Variants in NSUN2 observed in about 807,000 individuals in gnomAD.
The protein encoded by NSUN2 is NOP2/Sun RNA methyltransferase 2, also known as RNA cytosine C(5)-methyltransferase NSUN2.
In NSUN2, 63 loss-of-function variants were observed where a neutral mutation model predicts 92.7. The observed-to-expected ratio is 0.68, with a 90% CI of 0.56 to 0.84. The LOEUF is 0.84. Among genes scored for constraint, NSUN2 ranks in the 40% least tolerant of loss-of-function variants. NSUN2 has a pLI of 0.00. For missense variants in NSUN2, 989 were observed against 964.9 expected (o/e 1.02, Z -0.33); for synonymous variants, 356 against 348.3 (o/e 1.02, Z -0.25).
intron 3 of NSUN2, among the ~76,000 whole-genome samples, chr5:6,626,501 G>A (rs1157299870): frequency 1.3e-5 from 2 of 152,106 alleles, no homozygotes; most frequent in Middle Eastern, 3.4e-3. Context: ...AGCCACCTGA[G>A]TAGCTGGGAT....
At chr5:6,607,113 C>T in intron 13 of NSUN2, 87 bp downstream of exon 13, 1 of 1,407,598 alleles carries the variant, frequency 7.1e-7, no homozygotes, top group Non-Finnish European at 9.9e-7. Context: ...CTCAAACCGA[C>T]CAAGAAGTGG....
Position 6,610,646 on chromosome 5 carries a change from T to A in NSUN2, c.1226+309A>T, listed in dbSNP as rs979801652. 3.4e-5 allele frequency among the ~76,000 whole-genome samples: 5 copies of A among 148,204 alleles called. No homozygotes were observed. The East Asian group carries it at 1.0e-3, about 30-fold the overall frequency. On this transcript the variant is annotated intron_variant, in intron 11 of 18. Transcript: ENST00000264670. ...TTGCAGTGAGCCGAGATCGAGCTAC[T>A]ACACTCCAGCCTGGATGACAGAGTG...
chr5:6,600,791 A>C (rs1411728523), intron 18 of NSUN2, among the ~76,000 whole-genome samples: 1 of 152,148 alleles, frequency 6.6e-6, no homozygotes, highest in Non-Finnish European at 1.5e-5. Context: ...TTTCTTCTCC[A>C]GGGACCCCAC....
intron 12 of NSUN2, 52 bp downstream of exon 12, chr5:6,609,774 C>T (rs1342894242): frequency 6.2e-6 from 9 of 1,450,094 alleles, no homozygotes; most frequent in African/African-American, 1.4e-5. Context: ...TAGTTTTTGT[C>T]TTAAATGTAC....
intron 10 of NSUN2, 135 bp downstream of exon 10, chr5:6,611,590 C>T (rs1261244690): frequency 1.9e-5 from 13 of 702,260 alleles, no homozygotes; most frequent in Non-Finnish European, 2.9e-5. Context: ...AATAACACTC[C>T]GAAATTGATT....
intron 13 of NSUN2, 24 bp downstream of exon 13, chr5:6,607,176 T>A: frequency 6.2e-7 from 1 of 1,611,838 alleles, no homozygotes; most frequent in South Asian, 1.1e-5. Context: ...GCGTATTAGA[T>A]CAAGACATAA....
intron 12 of NSUN2, among the ~76,000 whole-genome samples, chr5:6,607,641 T>C (rs550118058): frequency 6.6e-6 from 1 of 152,348 alleles, no homozygotes; most frequent in Admixed American, 6.5e-5. Flanking sequence ...GCCTGTTCCT[T>C]AGCAGAGGCC....
At chr5:6,612,181 T>C (rs574778940) in intron 9 of NSUN2, among the ~76,000 whole-genome samples, 7 of 152,302 alleles carry the variant, frequency 4.6e-5, no homozygotes, top group Non-Finnish European at 1.0e-4. Context: ...TGACAGGGCA[T>C]TGAGGAGTCC....
chr5:6,609,051 G>A lies in NSUN2; in HGVS notation c.1323+775C>T, dbSNP rs116146495. On this transcript the variant is annotated intron_variant, in intron 12 of 18. Coordinates refer to ENST00000264670, the MANE Select transcript of NSUN2 (RefSeq NM_017755.6). ...GTTCCAACGTTAAACTGCACAAACC[G>A]TGCCCCAGAAAAAGGCTGGAGCTCT... Among the ~76,000 whole-genome samples, 738 of 152,208 alleles carry A rather than the reference G, an allele frequency of 4.8e-3. 8 individuals are homozygous for A. The highest frequency in any genetic ancestry group is 0.017 in the African/African-American group (704 of 41,526).
intron 17 of NSUN2, chr5:6,603,788 G>C (rs1736648376): frequency 4.9e-6 from 1 of 204,768 alleles, no homozygotes; most frequent in Admixed American, 5.8e-5. Context: ...AGCTCTGGCT[G>C]GGAGGCTTGC....
chr5:6,606,872 C>A lies in NSUN2; in HGVS notation c.1549G>T (p.Glu517Ter). 1 of 1,597,068 alleles carries A rather than the reference C, an allele frequency of 6.3e-7. No homozygotes were observed. The highest frequency in any genetic ancestry group is 2.2e-5 in the East Asian group (1 of 44,790). Reference sequence around the variant, plus strand: ...TCAGGAATAAATACAAATGGATCTTCTTTAAATCCAAATAACTTCATTTTC... The same window carrying A: ...TCAGGAATAAATACAAATGGATCTTATTTAAATCCAAATAACTTCATTTTC... ...SKKMKLFGFK[E>*]DPFVFIPEDD... The change falls in exon 14 of 19, where the codon GAA (glutamate) becomes TAA (stop). Residue 517 changes from glutamate to a stop codon, truncating the protein, a stop_gained. Transcript: ENST00000264670. LOFTEE classifies it high-confidence loss of function.
chr5:6,609,030 C>T (rs1460335011), intron 12 of NSUN2, among the ~76,000 whole-genome samples: 1 of 152,158 alleles, frequency 6.6e-6, no homozygotes, highest in Non-Finnish European at 1.5e-5. Flanking sequence ...CTGTACGTTC[C>T]AACGTTAAAC....
intron 15 of NSUN2, 61 bp downstream of exon 15, chr5:6,605,212 C>T (rs571934797): frequency 2.5e-5 from 40 of 1,594,056 alleles, no homozygotes; most frequent in Middle Eastern, 1.7e-4. Context: ...AAATCTAAGC[C>T]GCTGTGAAAA....
Position 6,604,756 on chromosome 5 carries a change from C to T in NSUN2, c.1738-71G>A. The T allele has an allele frequency of 2.4e-6, 3 of 1,266,944 alleles. No homozygotes were observed. In the South Asian group the frequency reaches 3.6e-5, roughly 15 times the overall value. The allele number at this position is 1,266,944 out of a possible 1,614,324, so 78.5% of individuals were successfully genotyped here. Reference sequence around the variant, plus strand: ...ACCATCTCCTGTAAGGATGCCGGGCCACATGGAGCAACCGTCACGGAATGG... The same window carrying T: ...ACCATCTCCTGTAAGGATGCCGGGCTACATGGAGCAACCGTCACGGAATGG... On this transcript the variant is annotated intron_variant, in intron 15 of 18. Transcript: ENST00000264670.
rs1230204284 is a variant in NSUN2, at chr5:6,617,952, A to T, written c.888T>A (p.His296Gln). Residue 296 changes from histidine to glutamine, a missense_variant and splice_region_variant, in exon 8 of 19, where the codon CAT (histidine) becomes CAA (glutamine). His to Gln is a conservative substitution (Grantham distance 24). Around this residue, in one of 3 missense-constraint regions of NSUN2, gnomAD observed 626 missense variants for 602.3 expected, o/e 1.04. Coordinates refer to ENST00000264670, the MANE Select transcript of NSUN2 (RefSeq NM_017755.6). ...AGCAGTGATGAAGTTTTACTTACCCATGTAGCTGCAAGCTATTTAAGGTGG... is the reference window on the plus strand; with the variant it reads ...AGCAGTGATGAAGTTTTACTTACCCTTGTAGCTGCAAGCTATTTAAGGTGG... ...KWTTLNSLQL[H>Q]GLQLRIATRG... The T allele has an allele frequency of 6.2e-7, 1 of 1,612,084 alleles. No individual in the cohort carries two copies. The highest frequency in any genetic ancestry group is 8.5e-7 in the Non-Finnish European group (1 of 1,178,292).
intron 12 of NSUN2, among the ~76,000 whole-genome samples, chr5:6,609,497 T>C (rs985811130): frequency 2.0e-5 from 3 of 152,212 alleles, no homozygotes; most frequent in Admixed American, 6.5e-5. Flanking sequence ...CACAAGGAAC[T>C]AGAGCACAGA....
Position 6,614,117 on chromosome 5 carries a change from A to C in NSUN2, c.1022-2319T>G, listed in dbSNP as rs1353716844. 8.5e-5 allele frequency among the ~76,000 whole-genome samples: 4 copies of C among 46,974 alleles called. 1 individual carries two copies. The highest frequency in any genetic ancestry group is 1.8e-4 in the African/African-American group (2 of 11,018). The allele number at this position is 46,974 out of a possible 152,430, so 30.8% of individuals were successfully genotyped here. ...TCGGAAAAAAAAAAAAAAAAAAAAA[A>C]AAAAACCCACAACACACACATATAG... On this transcript the variant is annotated intron_variant, in intron 9 of 18. Transcript: ENST00000264670.
Position 6,611,802 on chromosome 5 carries a change from T to C in NSUN2, c.1022-4A>G, listed in dbSNP as rs780015275. 1 of 1,614,028 alleles carries C rather than the reference T, an allele frequency of 6.2e-7. No individual in the cohort carries two copies. The highest frequency in any genetic ancestry group is 1.1e-5 in the South Asian group (1 of 91,078). ...ACATCAGCAAGCTCCAAAGCACCTG[T>C]GCAGCAAAAGCATGGACGTCTTTTG... On this transcript the variant is annotated splice_polypyrimidine_tract_variant and splice_region_variant and intron_variant, in intron 9 of 18. Transcript: ENST00000264670.
chr5:6,604,238 A>C lies in NSUN2; in HGVS notation c.1857T>G (p.Ile619Met), dbSNP rs754537437. The C allele has an allele frequency of 1.9e-6, 3 of 1,603,474 alleles. No homozygotes were observed. In the South Asian group the frequency reaches 3.3e-5, roughly 18 times the overall value. ...YTLYPFINSR[I>M]ITVSMEDVKI... ...TAACATCTTCCATTGATACAGTAAT[A>C]ATTCTTGAGTTAATAAATGGATACA... Residue 619 changes from isoleucine (I) to methionine (M), a missense_variant, in exon 17 of 19, where the codon ATT (isoleucine) becomes ATG (methionine). Ile to Met is a conservative substitution (Grantham distance 10, BLOSUM62 1). Transcript: ENST00000264670.
Sources: gnomAD v4.1 joint callset for allele counts (sites outside exome capture counted in the v4.1 genomes callset) on GRCh38, gnomAD v4.1.1 for gene constraint, gnomAD v4.1.1 regional missense constraint, MANE v1.5 for transcripts, NCBI Gene and HGNC (gene_info 2026-07-23, HGNC 2026-07-21) for gene names.